ZC3H12B: variants seen among roughly 807,000 people sequenced by gnomAD.
ZC3H12B encodes the protein zinc finger CCCH-type containing 12B.
A neutral mutation model predicts 43.9 loss-of-function variants in ZC3H12B; 7 were observed. The ratio of observed to expected loss-of-function variants is 0.16; its 90% CI spans 0.09 to 0.30. ZC3H12B has a LOEUF of 0.30. ZC3H12B is among the 10% of genes least tolerant of loss of function. The pLI, the probability that ZC3H12B is intolerant of heterozygous loss-of-function variation, is 1.00. For synonymous variants in ZC3H12B, 222 were observed against 241.7 expected (o/e 0.92, Z 0.76); for missense variants, 475 against 670.2 (o/e 0.71, Z 3.22).
the ZC3H12B span, among the ~76,000 whole-genome samples, chrX:65,225,465 C>T: frequency 7.1e-5 from 8 of 112,261 alleles, no homozygotes; most frequent in East Asian, 2.8e-4. Context: ...AAAAGCAGAG[C>T]GTCTCTCCTC....
the ZC3H12B span, among the ~76,000 whole-genome samples, chrX:65,046,257 G>A: frequency 2.7e-5 from 3 of 111,845 alleles, no homozygotes; most frequent in African/African-American, 9.7e-5. Context: ...GTCCTAGATG[G>A]CATCTTCTTC....
intron 3 of ZC3H12B, among the ~76,000 whole-genome samples, chrX:65,407,490 C>G (rs756504088): frequency 1.2e-4 from 14 of 112,989 alleles, no homozygotes; most frequent in African/African-American, 4.2e-4. Context: ...GTCCCGGGAC[C>G]CTGCGAGCAC....
At chrX:65,171,755 C>T in the ZC3H12B span, among the ~76,000 whole-genome samples, 1 of 110,948 alleles carries the variant, frequency 9.0e-6, no homozygotes, top group African/African-American at 3.3e-5. Context: ...ACGCCCCTCC[C>T]CCAGTCTTGC....
chrX:65,158,234 C>A, the ZC3H12B span, among the ~76,000 whole-genome samples: 12 of 110,337 alleles, frequency 1.1e-4, no homozygotes, highest in African/African-American at 3.6e-4. Flanking sequence ...AATAAACATA[C>A]GTGTGTATGT....
the ZC3H12B span, among the ~76,000 whole-genome samples, chrX:65,338,546 G>A: frequency 1.8e-5 from 2 of 111,748 alleles, no homozygotes; most frequent in Non-Finnish European, 3.8e-5. Flanking sequence ...CCAAAATCGG[G>A]CAGAGACACA....
the ZC3H12B span, among the ~76,000 whole-genome samples, chrX:65,319,467 A>G: frequency 8.9e-6 from 1 of 111,747 alleles, no homozygotes; most frequent in Non-Finnish European, 1.9e-5. Context: ...ACAGGCCTAG[A>G]TGGCTTAACA....
At chrX:65,373,079 C>T (rs1009184476) in intron 2 of ZC3H12B, among the ~76,000 whole-genome samples, 4 of 111,736 alleles carry the variant, frequency 3.6e-5, no homozygotes, top group Non-Finnish European at 7.5e-5. Context: ...GTATCTGAGT[C>T]TGTTTCTTCA....
At chrX:65,066,081 T>A in the ZC3H12B span, among the ~76,000 whole-genome samples, 2 of 109,562 alleles carry the variant, frequency 1.8e-5, no homozygotes, top group African/African-American at 6.7e-5. Flanking sequence ...TGCATTGAGT[T>A]GAAACATGCT....
chrX:65,396,226 T>C (rs1194343377), intron 2 of ZC3H12B, among the ~76,000 whole-genome samples: 1 of 111,665 alleles, frequency 9.0e-6, no homozygotes, highest in Non-Finnish European at 1.9e-5. Context: ...TCTGCTAGCT[T>C]TTGAATTTGT....
chrX:65,195,824 C>T, the ZC3H12B span, among the ~76,000 whole-genome samples: 2 of 112,345 alleles, frequency 1.8e-5, no homozygotes, highest in African/African-American at 6.5e-5. Flanking sequence ...TTTACTGCCT[C>T]CTACTCAGGG....
intron 2 of ZC3H12B, among the ~76,000 whole-genome samples, chrX:65,389,118 C>T (rs2066574026): frequency 8.9e-6 from 1 of 112,167 alleles, no homozygotes; most frequent in Non-Finnish European, 1.9e-5. Context: ...TGTCCGTTCT[C>T]GGATCTCCAG....
the ZC3H12B span, among the ~76,000 whole-genome samples, chrX:65,126,299 G>T: frequency 9.0e-6 from 1 of 110,880 alleles, no homozygotes; most frequent in Non-Finnish European, 1.9e-5. Context: ...TGTTCCAGGA[G>T]GCTAAAGATA....
chrX:65,225,916 G>GTT, the ZC3H12B span, among the ~76,000 whole-genome samples: 5 of 112,204 alleles, frequency 4.5e-5, no homozygotes, highest in Non-Finnish European at 7.5e-5. Flanking sequence ...AACTGAAAGT[G>GTT]ACGGGTAGAA....
the ZC3H12B span, among the ~76,000 whole-genome samples, chrX:65,212,301 T>TAAATA: frequency 2.0e-5 from 1 of 50,802 alleles, no homozygotes; most frequent in African/African-American, 8.0e-5. Flanking sequence ...TATTATATAA[T>TAAATA]ATATAATATA....
At chrX:65,347,934 G>T in the ZC3H12B span, among the ~76,000 whole-genome samples, 1 of 112,237 alleles carries the variant, frequency 8.9e-6, no homozygotes, top group South Asian at 3.7e-4. Context: ...CATGTCCTTT[G>T]TAGGGACATG....
At chrX:65,483,939 T>G (rs2068093669), upstream of ZC3H12B, among the ~76,000 whole-genome samples, 1 of 111,913 alleles carries the variant, frequency 8.9e-6, no homozygotes, top group African/African-American at 3.2e-5. Context: ...ATCTCATTCC[T>G]TTTTATGGCT....
the ZC3H12B span, among the ~76,000 whole-genome samples, chrX:65,340,337 C>G: frequency 8.9e-6 from 1 of 112,065 alleles, no homozygotes; most frequent in Admixed American, 9.4e-5. Context: ...CTGATGGCAC[C>G]CTGCCACAGC....
At chrX:65,453,402 A>G (rs1420902024) in intron 3 of ZC3H12B, among the ~76,000 whole-genome samples, 6 of 84,910 alleles carry the variant, frequency 7.1e-5, no homozygotes, top group Non-Finnish European at 1.3e-4. Flanking sequence ...ATATATATAT[A>G]TAAAATAGAA....
intron 3 of ZC3H12B, among the ~76,000 whole-genome samples, chrX:65,409,597 C>CAA (rs1476654741): frequency 2.3e-5 from 2 of 88,483 alleles, no homozygotes; most frequent in African/African-American, 8.1e-5. Context: ...CACACACACA[C>CAA]AATTAGAACT....
Sources: gnomAD v4.1 joint callset for allele counts (sites outside exome capture counted in the v4.1 genomes callset) on GRCh38, gnomAD v4.1.1 for gene constraint, MANE v1.5 for transcripts, NCBI Gene and HGNC (gene_info 2026-07-23, HGNC 2026-07-21) for gene names.